HSF2BP: variants seen among roughly 807,000 people sequenced by gnomAD.
The protein encoded by HSF2BP is heat shock factor 2-binding protein.
In HSF2BP, 35 loss-of-function variants were observed where a neutral mutation model predicts 35.0. The observed-to-expected ratio is 1.00, with a 90% CI of 0.76 to 1.32. HSF2BP has a LOEUF of 1.32. Ranked by LOEUF, HSF2BP falls within the 40% of genes most tolerant of loss-of-function variation. The pLI, the probability that HSF2BP is intolerant of heterozygous loss-of-function variation, is 0.00. For missense variants in HSF2BP, 326 were observed against 321.7 expected, an observed-to-expected ratio of 1.01 and a Z score of -0.10; for synonymous variants, 114 against 117.4, an observed-to-expected ratio of 0.97 and a Z score of 0.18.
At chr21:43,626,896 C>G (rs1036393148) in intron 6 of HSF2BP, among the ~76,000 whole-genome samples, 5 of 149,228 alleles carry the variant, frequency 3.4e-5, no homozygotes, top group African/African-American at 1.2e-4. Flanking sequence ...GAGACGGAGT[C>G]TTGCTCTGTC....
In HSF2BP at chr21:43,644,285, G is replaced by A; in HGVS notation, c.291+4C>T. 1.2e-6 allele frequency: 2 copies of A among 1,610,608 alleles called. No homozygotes were observed. Among genetic ancestry groups the A allele is most frequent in the Non-Finnish European group, 1.7e-6 (2 of 1,176,816 alleles). On this transcript the variant is annotated splice_donor_region_variant and intron_variant, in intron 4 of 8. Transcript: ENST00000291560. ...TGGTGAGAGTCTGTCCCTGAGCATG[G>A]TACCTTCTTCTCTCTTATGTTGTCG...
chr21:43,467,905 GCACCACACACCACACA>G, the HSF2BP span, among the ~76,000 whole-genome samples: 275 of 12,978 alleles, frequency 0.021, 2 homozygotes, highest in African/African-American at 0.085. Context: ...CCACACACAC[GCACCACACACCACACA>G]CACCACACAC....
rs1229635553 is a variant in HSF2BP at position 43,597,477 on chromosome 21, TA to T, written c.693-5150del. 6.6e-6 allele frequency among the ~76,000 whole-genome samples: 1 copy of T among 152,172 alleles called. No individual in the cohort carries two copies. The highest frequency in any genetic ancestry group is 1.5e-5 in the Non-Finnish European group (1 of 68,040). ...TTTTTAAAAATGTAATGCAATATTT[TA>T]AAAAAATATATTAAAAATGCCCTAA... On this transcript the variant is annotated intron_variant, in intron 7 of 8. Coordinates refer to ENST00000291560, the MANE Select transcript of HSF2BP (RefSeq NM_007031.2). This position sits in a 1 kb window ranked among gnomAD's most constrained non-coding sequence, Gnocchi z 4.3.
chr21:43,609,648 A>G (rs1484386263), intron 7 of HSF2BP, among the ~76,000 whole-genome samples: 6 of 152,076 alleles, frequency 3.9e-5, no homozygotes, highest in Non-Finnish European at 8.8e-5. Flanking sequence ...TTGGGGCTCC[A>G]GAGGACTCAA....
chr21:43,658,014 G>A lies in HSF2BP; in HGVS notation c.36+47C>T, dbSNP rs531617921. ...GGGCGAGGCCCTGAGGGGAGCGAAT[G>A]GCGACGGTTCAAACACGCTGGCGTC... On this transcript the variant is annotated intron_variant, in intron 2 of 8. Transcript: ENST00000291560. 43 of 1,535,056 alleles carry A rather than the reference G, an allele frequency of 2.8e-5. No homozygotes were observed. In the Admixed American group the frequency reaches 5.7e-4, roughly 20 times the overall value.
At chr21:43,650,990 G>A (rs2147111472) in intron 3 of HSF2BP, among the ~76,000 whole-genome samples, 1 of 152,268 alleles carries the variant, frequency 6.6e-6, no homozygotes, top group South Asian at 2.1e-4. Flanking sequence ...TTACAGGCGT[G>A]AGCCACCGCA....
chr21:43,656,236 C>T (rs2082866360), intron 3 of HSF2BP, among the ~76,000 whole-genome samples: 1 of 152,214 alleles, frequency 6.6e-6, no homozygotes, highest in African/African-American at 2.4e-5. Flanking sequence ...CAAGTAAACT[C>T]CATGCAAGGT....
At chr21:43,574,579 G>C (rs112571958) in intron 8 of HSF2BP, among the ~76,000 whole-genome samples, 6,807 of 152,108 alleles carry the variant, frequency 0.045, 516 homozygotes, top group African/African-American at 0.15. Context: ...GGATGGTCTC[G>C]ATCTCCTGAC....
At chr21:43,641,370 T>G (rs2082634535) in intron 4 of HSF2BP, among the ~76,000 whole-genome samples, 1 of 152,140 alleles carries the variant, frequency 6.6e-6, no homozygotes, top group Admixed American at 6.5e-5. Flanking sequence ...ACGTTGCTAC[T>G]GCCAGGACTC....
intron 6 of HSF2BP, among the ~76,000 whole-genome samples, chr21:43,628,654 A>G (rs745576141): frequency 1.3e-5 from 2 of 152,236 alleles, no homozygotes; most frequent in Non-Finnish European, 2.9e-5. Context: ...GTTACACTAA[A>G]CAAGAGATTT....
At position 43,644,352 on chromosome 21, in the gene HSF2BP, C is replaced by T; in HGVS notation, c.228G>A (p.Met76Ile). The change falls in exon 4 of 9, where the codon ATG becomes ATA. Residue 76 changes from methionine (M) to isoleucine (I), a missense_variant. Coordinates refer to ENST00000291560, the MANE Select transcript of HSF2BP (RefSeq NM_007031.2). ...GGCGGGCTTTAAAGTGCTCACAATC[C>T]ATTTTCAGCTGCTCTAATTCTTGCT... The part of the protein sequence containing the change: ...RKEQELEQLK[M>I]DCEHFKARLE... 1 of 1,614,156 alleles carries T rather than the reference C, an allele frequency of 6.2e-7. No individual in the cohort carries two copies. The highest frequency in any genetic ancestry group is 8.5e-7 in the Non-Finnish European group (1 of 1,180,000).
intron 8 of HSF2BP, among the ~76,000 whole-genome samples, chr21:43,585,183 T>C (rs1035309217): frequency 6.6e-6 from 1 of 152,036 alleles, no homozygotes; most frequent in Non-Finnish European, 1.5e-5. Context: ...TGGTGGTGCA[T>C]GCCTGTAGTC....
rs537492935 is a variant in HSF2BP, at chr21:43,616,787, C to T, written c.575-2840G>A. Among the ~76,000 whole-genome samples, 151 of 152,094 alleles carry T rather than the reference C, an allele frequency of 9.9e-4. 2 individuals carry two copies. Among genetic ancestry groups the T allele is most frequent in the African/African-American group, 3.4e-3 (140 of 41,508 alleles). On this transcript the variant is annotated intron_variant, in intron 6 of 8. Coordinates refer to ENST00000291560, the MANE Select transcript of HSF2BP (RefSeq NM_007031.2). ...TCTACTAAAAATACAAAAAATTAGC[C>T]GGGCGCGGTGGCAGGTGCCTGTAGT...
chr21:43,645,500 T>C (rs2082696316), intron 3 of HSF2BP, among the ~76,000 whole-genome samples: 1 of 152,160 alleles, frequency 6.6e-6, no homozygotes, highest in Non-Finnish European at 1.5e-5. Flanking sequence ...TCCACAGGAA[T>C]GTGAAAAAGC....
chr21:43,625,542 T>C (rs780241761), intron 6 of HSF2BP, among the ~76,000 whole-genome samples: 6 of 151,714 alleles, frequency 4.0e-5, no homozygotes, highest in Non-Finnish European at 7.4e-5. Context: ...TTTACAGAAC[T>C]GCAAAAAGGT....
chr21:43,626,365 G>A (rs1249743471), intron 6 of HSF2BP, among the ~76,000 whole-genome samples: 1 of 151,670 alleles, frequency 6.6e-6, no homozygotes, highest in Non-Finnish European at 1.5e-5. Context: ...AAAGATCAAT[G>A]TAAAAAAAAA....
intron 3 of HSF2BP, among the ~76,000 whole-genome samples, chr21:43,651,268 G>A (rs1040268089): frequency 8.5e-5 from 13 of 152,080 alleles, no homozygotes; most frequent in Non-Finnish European, 1.5e-4. Context: ...TAGCCTATGA[G>A]GTAAGCATTA....
chr21:43,654,705 T>C (rs2082841972), intron 3 of HSF2BP, among the ~76,000 whole-genome samples: 1 of 152,156 alleles, frequency 6.6e-6, no homozygotes, highest in Non-Finnish European at 1.5e-5. Context: ...AAATGCCAAG[T>C]CGGAGTCAGG....
At chr21:43,638,821 G>A (rs922377684) in intron 4 of HSF2BP, among the ~76,000 whole-genome samples, 5 of 152,150 alleles carry the variant, frequency 3.3e-5, no homozygotes, top group African/African-American at 4.8e-5. Context: ...AAATTTATGC[G>A]GAAAAGCAAA....
Sources: gnomAD v4.1 joint callset for allele counts (sites outside exome capture counted in the v4.1 genomes callset) on GRCh38, gnomAD v4.1.1 for gene constraint, Gnocchi (gnomAD v3.1) non-coding constraint, MANE v1.5 for transcripts, NCBI Gene and HGNC (gene_info 2026-07-23, HGNC 2026-07-21) for gene names.